The following OR7E24 variants were observed in gnomAD, a reference collection of about 807,000 sequenced individuals.
The protein encoded by OR7E24 is olfactory receptor family 7 subfamily E member 24, also known as olfactory receptor 7E24.
For synonymous variants in OR7E24, 130 were observed against 157.5 expected (o/e 0.83, Z 1.31); for missense variants, 385 against 410.3 (o/e 0.94, Z 0.53).
At chr19:9,233,539 C>T in the OR7E24 span, among the ~76,000 whole-genome samples, 1 of 152,138 alleles carries the variant, frequency 6.6e-6, no homozygotes, top group Non-Finnish European at 1.5e-5. Context: ...GCTTTTTTCT[C>T]TTCTTGGAAG....
At chr19:9,244,905 A>G (rs1284423679), upstream of OR7E24, among the ~76,000 whole-genome samples, 2 of 152,192 alleles carry the variant, frequency 1.3e-5, no homozygotes, top group African/African-American at 4.8e-5. Flanking sequence ...ACAAATGCCC[A>G]TTAAAAATGG....
At chr19:9,214,642 G>C in the OR7E24 span, 7 of 1,614,056 alleles carry the variant, frequency 4.3e-6, no homozygotes, top group Non-Finnish European at 5.9e-6. Context: ...ACAAAGGACA[G>C]GTTGGAGAGG....
At chr19:9,243,864 G>C (rs187842024), upstream of OR7E24, among the ~76,000 whole-genome samples, 1 of 152,224 alleles carries the variant, frequency 6.6e-6, no homozygotes, top group East Asian at 1.9e-4. Context: ...CAGGGAAGGA[G>C]GGGAGGCCTT....
upstream of OR7E24, among the ~76,000 whole-genome samples, chr19:9,242,635 A>G (rs2144932808): frequency 6.6e-6 from 1 of 152,352 alleles, no homozygotes; most frequent in East Asian, 1.9e-4. Flanking sequence ...TAACCTGGCA[A>G]CTTGACGTTG....
chr19:9,232,569 G>A, the OR7E24 span, among the ~76,000 whole-genome samples: 1 of 145,802 alleles, frequency 6.9e-6, no homozygotes, highest in East Asian at 2.0e-4. Context: ...AAGATTCTTC[G>A]TGCACTTTGT....
the OR7E24 span, among the ~76,000 whole-genome samples, chr19:9,233,796 C>G: frequency 6.6e-6 from 1 of 152,080 alleles, no homozygotes; most frequent in African/African-American, 2.4e-5. Flanking sequence ...AGCAGAAAAA[C>G]AACATGGATC....
Position 9,252,128 on chromosome 19 carries a change from T to G in OR7E24, c.*65T>G. 7.3e-7 allele frequency: 1 copy of G among 1,379,270 alleles called. No individual in the cohort carries two copies. 85.4% of individuals were successfully genotyped at this position (1,379,270 alleles called of 1,614,324 possible). A position where few individuals can be genotyped will look rare whatever the true frequency, so the allele number is the denominator to read the frequency against. On this transcript the variant is annotated 3_prime_UTR_variant, in exon 1 of 1. Transcript: ENST00000456448. ...GCCTCCTTGGTCACATTATTTTGGT[T>G]GCTTGATGGCTTTCATTCCTCTCTG... is the stretch of plus-strand genomic sequence containing the variant.
Position 9,250,932 on chromosome 19 carries a change from G to T in OR7E24, c.-112G>T. ...TTATGAAGTAACTCTAAGGAAATTG[G>T]GTTTGTCACAACTGAGAACTATTGC... On this transcript the variant is annotated 5_prime_UTR_variant, in exon 1 of 1. Transcript: ENST00000456448. 1.3e-6 allele frequency: 1 copy of T among 762,768 alleles called. No individual in the cohort carries two copies. The highest frequency in any genetic ancestry group is 2.0e-5 in the South Asian group (1 of 51,160). The allele number at this position is 762,768 out of a possible 1,614,324, so 47.2% of individuals were successfully genotyped here.
At chr19:9,206,491 G>A in the OR7E24 span, 2 of 152,108 alleles carry the variant, frequency 1.3e-5, no homozygotes, top group African/African-American at 2.4e-5. Flanking sequence ...TTTAGTTTCC[G>A]AGCAATGACC....
At chr19:9,224,762 C>CA in the OR7E24 span, among the ~76,000 whole-genome samples, 24 of 141,662 alleles carry the variant, frequency 1.7e-4, no homozygotes, top group Middle Eastern at 3.7e-3. Flanking sequence ...GAGACTTGGT[C>CA]AAAACAAAAA....
chr19:9,243,876 G>A (rs1259310003), upstream of OR7E24, among the ~76,000 whole-genome samples: 1 of 152,226 alleles, frequency 6.6e-6, no homozygotes, highest in African/African-American at 2.4e-5. Context: ...GGAGGCCTTA[G>A]AGGCCTGAGA....
upstream of OR7E24, among the ~76,000 whole-genome samples, chr19:9,243,093 G>A (rs1050668632): frequency 7.2e-5 from 11 of 152,158 alleles, no homozygotes; most frequent in African/African-American, 2.2e-4. Flanking sequence ...CTTCAGGAAT[G>A]GAAGCCACAG....
chr19:9,235,553 A>AC, the OR7E24 span: 32 of 1,554,560 alleles, frequency 2.1e-5, no homozygotes, highest in Non-Finnish European at 2.6e-5. Context: ...GTCATCATAA[A>AC]CCCCCATCTC....
At chr19:9,245,153 T>C (rs1312469378), upstream of OR7E24, among the ~76,000 whole-genome samples, 1 of 152,092 alleles carries the variant, frequency 6.6e-6, no homozygotes, top group Non-Finnish European at 1.5e-5. Context: ...TGGTGAAGTT[T>C]GCAGTGAGCC....
chr19:9,216,073 T>G, the OR7E24 span, among the ~76,000 whole-genome samples: 2 of 152,106 alleles, frequency 1.3e-5, no homozygotes, highest in Non-Finnish European at 2.9e-5. Context: ...AACCATAAGA[T>G]CTCATGAGAC....
the OR7E24 span, chr19:9,236,155 T>C: frequency 1.3e-6 from 1 of 767,304 alleles, no homozygotes; most frequent in Non-Finnish European, 2.1e-6. Context: ...ATCCTAGATC[T>C]TGCTCTCCCC....
chr19:9,246,427 C>A (rs545203535), upstream of OR7E24, among the ~76,000 whole-genome samples: 5 of 148,514 alleles, frequency 3.4e-5, no homozygotes, highest in Non-Finnish European at 7.4e-5. Context: ...ATCTACATTG[C>A]CATTTACGTG....
At chr19:9,235,305 C>T in the OR7E24 span, 7 of 1,250,874 alleles carry the variant, frequency 5.6e-6, no homozygotes, top group African/African-American at 1.0e-4. Context: ...CTGACTCCCA[C>T]CTCCACAGCC....
At chr19:9,215,241 G>A in the OR7E24 span, among the ~76,000 whole-genome samples, 2 of 151,510 alleles carry the variant, frequency 1.3e-5, no homozygotes, top group Admixed American at 1.3e-4. Flanking sequence ...TACTAAGGAG[G>A]CTGAGGCAGG....
Sources: gnomAD v4.1 joint callset for allele counts (sites outside exome capture counted in the v4.1 genomes callset) on GRCh38, gnomAD v4.1.1 for gene constraint, MANE v1.5 for transcripts, NCBI Gene and HGNC (gene_info 2026-07-23, HGNC 2026-07-21) for gene names.